KLHL4: variants seen among roughly 807,000 people sequenced by gnomAD.
KLHL4 encodes kelch like family member 4.
A neutral mutation model predicts 45.8 loss-of-function variants in KLHL4; 17 were observed. The ratio of observed to expected loss-of-function variants is 0.37; its 90% CI spans 0.25 to 0.56. The LOEUF (loss-of-function observed/expected upper bound fraction) is 0.56. Ranked by LOEUF, KLHL4 falls within the 20% of genes least tolerant of loss-of-function variation. The pLI is 0.79. For synonymous variants in KLHL4, 224 were observed against 189.9 expected (o/e 1.18, Z -1.47); for missense variants, 544 against 544.9 (o/e 1.00, Z 0.02).
At chrX:87,551,986 C>T (rs1248925618) in intron 1 of KLHL4, among the ~76,000 whole-genome samples, 1 of 111,409 alleles carries the variant, frequency 9.0e-6, no homozygotes, top group Non-Finnish European at 1.9e-5. Context: ...TAGACATTGG[C>T]TTAGGCATGG....
intron 9 of KLHL4, among the ~76,000 whole-genome samples, chrX:87,640,219 AG>A (rs1923407439): frequency 1.8e-5 from 2 of 111,644 alleles, no homozygotes; most frequent in South Asian, 7.5e-4. Flanking sequence ...CAACAAAAAA[AG>A]TCTAGGTCCA....
chrX:87,610,557 A>C (rs1922335836), intron 1 of KLHL4, among the ~76,000 whole-genome samples: 1 of 111,616 alleles, frequency 9.0e-6, no homozygotes, highest in Admixed American at 9.5e-5. Flanking sequence ...TCTGTATGTT[A>C]TTTTCTGAAC....
rs1218053764 is a variant in KLHL4 at position 87,669,043 on chromosome X, T to A, written c.*2509T>A. ...CTGTGCTTGTCTCAGTCAAACTTAA[T>A]TGGGAAAAGGAGGAGTAAGAGCAGG... On this transcript the variant is annotated 3_prime_UTR_variant, in exon 11 of 11. Coordinates refer to ENST00000373119, the MANE Select transcript of KLHL4 (RefSeq NM_019117.5). 1 of 851,389 alleles carries A rather than the reference T, an allele frequency of 1.2e-6. No homozygotes were observed. The highest frequency in any genetic ancestry group is 7.5e-5 in the East Asian group (1 of 13,280). 70.2% of individuals were successfully genotyped at this position (851,389 alleles called of 1,213,427 possible).
chrX:87,646,932 G>A (rs1923657819), intron 9 of KLHL4, among the ~76,000 whole-genome samples: 1 of 111,222 alleles, frequency 9.0e-6, no homozygotes, highest in Non-Finnish European at 1.9e-5. Context: ...CACAGCAGAA[G>A]AAATAATCAG....
Position 87,518,322 on chromosome X carries a change from G to C in KLHL4, c.422+7G>C. 8.4e-7 allele frequency: 1 copy of C among 1,184,639 alleles called. No individual in the cohort carries two copies. ...TAGAAGATTCTACAGCAAGGTAAGA[G>C]TTTTTGGTCGCATAACTGAATGCCG... On this transcript the variant is annotated splice_region_variant and intron_variant, in intron 1 of 10. Coordinates refer to ENST00000373119, the MANE Select transcript of KLHL4 (RefSeq NM_019117.5).
intron 1 of KLHL4, among the ~76,000 whole-genome samples, chrX:87,587,150 C>CAAAAAAAAAAAAAAAAAA (rs1197848253): frequency 6.3e-5 from 3 of 47,834 alleles, no homozygotes; most frequent in Non-Finnish European, 3.7e-5. Context: ...TAAAATAAAG[C>CAAAAAAAAAAAAAAAAAA]AAAAAAAAAA....
chrX:87,518,104 C>A lies in KLHL4; in HGVS notation c.211C>A (p.His71Asn), dbSNP rs371445226. 188 of 1,210,057 alleles carry A rather than the reference C, an allele frequency of 1.6e-4. No individual in the cohort carries two copies. The highest frequency in any genetic ancestry group is 2.0e-4 in the Non-Finnish European group (182 of 895,195). ...GLKKSNSPVH[H>N]NILAPVPGPA... ...GAAGAAAAGCAACAGTCCTGTCCAC[C>A]ACAATATACTGGCACCAGTGCCAGG... The change falls in exon 1 of 11, where the codon CAC becomes AAC. Residue 71 changes from histidine (H) to asparagine (N), a missense_variant. Physicochemically the swap from His to Asn is moderately conservative, Grantham distance 68. Coordinates refer to ENST00000373119, the MANE Select transcript of KLHL4 (RefSeq NM_019117.5).
intron 1 of KLHL4, among the ~76,000 whole-genome samples, chrX:87,603,897 C>T (rs978469842): frequency 3.6e-5 from 4 of 109,907 alleles, no homozygotes; most frequent in African/African-American, 1.3e-4. Flanking sequence ...TTCCCCACTG[C>T]TTCCCAGTCT....
chrX:87,575,498 G>T (rs1921071311), intron 1 of KLHL4, among the ~76,000 whole-genome samples: 2 of 111,875 alleles, frequency 1.8e-5, no homozygotes, highest in Admixed American at 1.9e-4. Flanking sequence ...TGGTATAGGT[G>T]ATAATGACAT....
chrX:87,667,654 A>G lies in KLHL4; in HGVS notation c.*1120A>G, dbSNP rs1924418260. The G allele has an allele frequency of 1.7e-6, 1 of 588,000 alleles. No individual in the cohort carries two copies. Among genetic ancestry groups the G allele is most frequent in the Non-Finnish European group, 2.0e-6 (1 of 489,448 alleles). 48.5% of individuals were successfully genotyped at this position (588,000 alleles called of 1,213,427 possible). A position where few individuals can be genotyped will look rare whatever the true frequency, so the allele number is the denominator to read the frequency against. On this transcript the variant is annotated 3_prime_UTR_variant, in exon 11 of 11. Transcript: ENST00000373119. ...AAAATGGCTAGTTGAATAGTATTTT[A>G]TGTGTAATTCTTCCATTTATTCTGT...
chrX:87,618,046 C>A lies in KLHL4; in HGVS notation c.842C>A (p.Pro281His). 8.3e-7 allele frequency: 1 copy of A among 1,210,733 alleles called. No individual in the cohort carries two copies. The highest frequency in any genetic ancestry group is 1.1e-6 in the Non-Finnish European group (1 of 894,731). The change falls in exon 4 of 11, where the codon CCT becomes CAT. Residue 281 changes from proline (P) to histidine (H), a missense_variant. Transcript: ENST00000373119. ...CSNFLIKQLH[P>H]SNCLGIRSFG... Reference sequence around the variant, plus strand: ...AATTTTCTCATAAAGCAGCTCCATCCTTCAAACTGCTTAGGGATTCGATCA... The same window carrying A: ...AATTTTCTCATAAAGCAGCTCCATCATTCAAACTGCTTAGGGATTCGATCA...
chrX:87,630,022 T>G (rs755838317), intron 6 of KLHL4, among the ~76,000 whole-genome samples: 5 of 111,790 alleles, frequency 4.5e-5, no homozygotes, highest in Admixed American at 9.5e-5. Context: ...AATAAGTCCC[T>G]GTGTATTTAC....
intron 6 of KLHL4, 25 bp downstream of exon 6, chrX:87,625,821 A>T: frequency 8.9e-7 from 1 of 1,126,866 alleles, no homozygotes; most frequent in Non-Finnish European, 1.2e-6. Flanking sequence ...GAGTGTCTTC[A>T]TTCAAAAAAG....
chrX:87,572,809 A>T (rs1275042897), intron 1 of KLHL4, among the ~76,000 whole-genome samples: 2 of 88,358 alleles, frequency 2.3e-5, no homozygotes, highest in African/African-American at 8.4e-5. Context: ...AAAAAAAACT[A>T]GGAAGGAAAA....
chrX:87,530,346 T>C (rs1350635848), intron 1 of KLHL4, among the ~76,000 whole-genome samples: 1 of 107,183 alleles, frequency 9.3e-6, no homozygotes, highest in Middle Eastern at 4.3e-3. Flanking sequence ...TGTATACATG[T>C]ACCATGCTGG....
At chrX:87,589,070 T>C (rs1401977271) in intron 1 of KLHL4, among the ~76,000 whole-genome samples, 1 of 111,899 alleles carries the variant, frequency 8.9e-6, no homozygotes, top group Non-Finnish European at 1.9e-5. Flanking sequence ...TCAACATCAT[T>C]GATCATCAGA....
chrX:87,642,876 A>G (rs1306094009), intron 9 of KLHL4, among the ~76,000 whole-genome samples: 3 of 112,084 alleles, frequency 2.7e-5, no homozygotes, highest in African/African-American at 6.5e-5. Context: ...GAAAATATGA[A>G]CAAAGCCTCC....
At chrX:87,644,618 C>A (rs956290070) in intron 9 of KLHL4, among the ~76,000 whole-genome samples, 1 of 111,517 alleles carries the variant, frequency 9.0e-6, no homozygotes, top group East Asian at 2.8e-4. Flanking sequence ...AGGACAAGAA[C>A]AAATATGGAG....
chrX:87,606,957 C>G (rs780358334), intron 1 of KLHL4, among the ~76,000 whole-genome samples: 33 of 111,767 alleles, frequency 3.0e-4, no homozygotes, highest in Non-Finnish European at 4.9e-4. Context: ...AGAAATAACA[C>G]TATTGGCTTA....
Sources: gnomAD v4.1 joint callset for allele counts (sites outside exome capture counted in the v4.1 genomes callset) on GRCh38, gnomAD v4.1.1 for gene constraint, MANE v1.5 for transcripts, NCBI Gene and HGNC (gene_info 2026-07-23, HGNC 2026-07-21) for gene names.